Variants in ABCB11 observed in about 807,000 individuals in gnomAD.
ABCB11 encodes ATP binding cassette subfamily B member 11, also known as bile salt export pump.
A neutral mutation model predicts 148.0 loss-of-function variants in ABCB11; 95 were observed. The ratio of observed to expected loss-of-function variants is 0.64; its 90% confidence interval spans 0.54 to 0.76. The LOEUF (loss-of-function observed/expected upper bound fraction) is 0.76. Among genes scored for constraint, ABCB11 ranks in the 30% least tolerant of loss-of-function variants. ABCB11 has a pLI of 0.00. For synonymous variants in ABCB11, 591 were observed against 555.4 expected (o/e 1.06, Z -0.90); for missense variants, 1,523 against 1,617.8 (o/e 0.94, Z 1.01).
rs546115944 is a variant in ABCB11, at chr2:168,951,449, T to A, written c.2344-6488A>T. Among the ~76,000 whole-genome samples, 5 of 151,792 alleles carry A rather than the reference T, an allele frequency of 3.3e-5. No individual in the cohort carries two copies. In the South Asian group the frequency reaches 1.0e-3, roughly 31 times the overall value. On this transcript the variant is annotated intron_variant, in intron 19 of 27. Coordinates refer to ENST00000650372, the MANE Select transcript of ABCB11 (RefSeq NM_003742.4). ...TTCTTTTATCAGTGTTTTGTGGTCC[T>A]CCTTAGGGAGATCTTTCACCTCTTT...
At chr2:168,995,715 C>T (rs574366900) in intron 6 of ABCB11, among the ~76,000 whole-genome samples, 1 of 151,894 alleles carries the variant, frequency 6.6e-6, no homozygotes, top group Non-Finnish European at 1.5e-5. Context: ...AGCTCTGACA[C>T]TTAAGCAGGC....
intron 17 of ABCB11, among the ~76,000 whole-genome samples, chr2:168,965,435 A>G (rs1294574609): frequency 6.6e-6 from 1 of 151,018 alleles, no homozygotes; most frequent in Non-Finnish European, 1.5e-5. Flanking sequence ...TGAAGCCAAC[A>G]GTGAAATAGT....
chr2:169,015,633 G>A (rs1695330512), intron 3 of ABCB11, among the ~76,000 whole-genome samples: 1 of 151,984 alleles, frequency 6.6e-6, no homozygotes, highest in Non-Finnish European at 1.5e-5. Context: ...CTACTCAACA[G>A]AGTCTTGCCT....
At chr2:169,028,791 G>C (rs572979759) in intron 1 of ABCB11, among the ~76,000 whole-genome samples, 6 of 152,194 alleles carry the variant, frequency 3.9e-5, no homozygotes, top group Non-Finnish European at 8.8e-5. Context: ...GAGAAGAATA[G>C]AGATCCCACC....
chr2:168,970,334 G>A (rs553538675), intron 14 of ABCB11, 119 bp from the exon 15 acceptor site: 38 of 1,540,434 alleles, frequency 2.5e-5, no homozygotes, highest in African/African-American at 9.6e-5. Context: ...TCACTGCTCC[G>A]ACTTCCACTG....
intron 12 of ABCB11, among the ~76,000 whole-genome samples, chr2:168,974,290 C>T (rs1693719529): frequency 6.6e-6 from 1 of 151,952 alleles, no homozygotes; most frequent in African/African-American, 2.4e-5. Context: ...TTTAAGCCGT[C>T]CGTCATGTGT....
chr2:168,999,182 G>A (rs1261814806), intron 5 of ABCB11, among the ~76,000 whole-genome samples: 1 of 151,800 alleles, frequency 6.6e-6, no homozygotes, highest in Non-Finnish European at 1.5e-5. Context: ...GATGACATTA[G>A]AGGAAAAAAG....
chr2:169,015,158 C>A (rs1325644393), intron 3 of ABCB11, among the ~76,000 whole-genome samples: 1 of 152,080 alleles, frequency 6.6e-6, no homozygotes, highest in Non-Finnish European at 1.5e-5. Context: ...CAGCCAAGGT[C>A]CCTCTGCCAG....
At chr2:169,013,589 G>A (rs1695259318) in intron 4 of ABCB11, 79 bp from the exon 5 acceptor site, 3 of 1,178,546 alleles carry the variant, frequency 2.5e-6, no homozygotes, top group African/African-American at 1.5e-5. Context: ...TTAGTTACTA[G>A]ATTCTCATGA....
intron 18 of ABCB11, among the ~76,000 whole-genome samples, chr2:168,963,527 G>A (rs1207346457): frequency 1.3e-5 from 2 of 151,756 alleles, no homozygotes; most frequent in Admixed American, 6.6e-5. Context: ...ATTAGACAAT[G>A]TCTACAACAG....
intron 5 of ABCB11, among the ~76,000 whole-genome samples, chr2:169,007,839 A>G (rs1469635825): frequency 6.6e-6 from 1 of 152,230 alleles, no homozygotes; most frequent in East Asian, 1.9e-4. Flanking sequence ...GAAGTTAGAA[A>G]GACAACCCAA....
At chr2:169,018,024 T>C (rs958234892) in intron 2 of ABCB11, 26 bp downstream of exon 2, 3 of 1,577,086 alleles carry the variant, frequency 1.9e-6, no homozygotes, top group Non-Finnish European at 2.6e-6. Context: ...TTGTACAAGA[T>C]GCAGTGAGGG....
intron 21 of ABCB11, among the ~76,000 whole-genome samples, chr2:168,940,554 C>T (rs1210325130): frequency 2.6e-5 from 4 of 152,026 alleles, no homozygotes; most frequent in Non-Finnish European, 1.5e-5. Flanking sequence ...AAAAGCATCT[C>T]CACAATGTAA....
downstream of ABCB11, among the ~76,000 whole-genome samples, chr2:168,918,914 C>T (rs956092803): frequency 6.6e-6 from 1 of 152,106 alleles, no homozygotes; most frequent in Non-Finnish European, 1.5e-5. Context: ...TTTCTATCCC[C>T]TTTTCATCTT....
intron 24 of ABCB11, among the ~76,000 whole-genome samples, chr2:168,931,737 C>T (rs934098207): frequency 6.6e-6 from 1 of 152,164 alleles, no homozygotes; most frequent in Non-Finnish European, 1.5e-5. Context: ...CATTTGGGAA[C>T]TAAGTGTATT....
intron 26 of ABCB11, among the ~76,000 whole-genome samples, chr2:168,926,554 C>T (rs1447630922): frequency 6.6e-6 from 1 of 152,124 alleles, no homozygotes; most frequent in East Asian, 1.9e-4. Context: ...TAAACTAAAG[C>T]TCAATGTACA....
intron 19 of ABCB11, 87 bp from the exon 20 acceptor site, chr2:168,945,048 A>G (rs1692240835): frequency 1.1e-6 from 1 of 899,008 alleles, no homozygotes; most frequent in Non-Finnish European, 1.7e-6. Flanking sequence ...TTTTCTTACC[A>G]TGTCATTATA....
At chr2:169,024,045 G>C (rs962258448) in intron 1 of ABCB11, among the ~76,000 whole-genome samples, 22 of 152,256 alleles carry the variant, frequency 1.4e-4, no homozygotes, top group Middle Eastern at 3.4e-3. Flanking sequence ...GGCCTATTGG[G>C]GGAGGGCAGT....
At chr2:168,963,464 G>A (rs963473600) in intron 18 of ABCB11, among the ~76,000 whole-genome samples, 1 of 151,672 alleles carries the variant, frequency 6.6e-6, no homozygotes, top group Non-Finnish European at 1.5e-5. Flanking sequence ...GACATGTAAC[G>A]TGCAGTAATG....
Sources: allele counts gnomAD v4.1 joint callset (sites outside exome capture counted in the v4.1 genomes callset), GRCh38; gene constraint gnomAD v4.1.1; transcripts MANE v1.5; gene names NCBI Gene and HGNC (gene_info 2026-07-23, HGNC 2026-07-21).